Variants in PIWIL3 observed in about 807,000 individuals in gnomAD.
PIWIL3 encodes piwi like RNA-mediated gene silencing 3.
PIWIL3 carries 101 observed loss-of-function variants against 109.7 expected under a neutral mutation model. That is an observed-to-expected ratio of 0.92 (90% CI 0.78 to 1.09). The LOEUF is 1.09. Ranked by LOEUF, PIWIL3 falls within the 50% of genes least tolerant of loss-of-function variation. PIWIL3 has a pLI of 0.00. For synonymous variants in PIWIL3, 373 were observed against 376.4 expected (o/e 0.99, Z 0.10); for missense variants, 1,031 against 1,072.6 (o/e 0.96, Z 0.54).
intron 1 of PIWIL3, among the ~76,000 whole-genome samples, chr22:24,764,072 A>G (rs945777099): frequency 6.6e-6 from 1 of 152,184 alleles, no homozygotes; most frequent in South Asian, 2.1e-4. Flanking sequence ...GGCCCGGGGA[A>G]ATACACGGAC....
rs1307013034 is a variant in PIWIL3 at position 24,744,189 on chromosome 22, A to ATT, written c.1449+4717_1449+4718insAA. ...AAGAGTGACCGAATTAAAAAAAAAA[A>ATT]AAAAAAAAAAAAAAAAAACAATGAT... On this transcript the variant is annotated intron_variant, in intron 12 of 20. Transcript: ENST00000616349. 3.8e-4 allele frequency among the ~76,000 whole-genome samples: 55 copies of ATT among 145,996 alleles called. 4 individuals are homozygous for ATT. Among genetic ancestry groups the ATT allele is most frequent in the Admixed American group, 1.7e-3 (25 of 14,440 alleles).
rs1038132518 is a variant in PIWIL3 at position 24,719,386 on chromosome 22, G to C, written c.*86C>G. 2 of 1,074,552 alleles carry C rather than the reference G, an allele frequency of 1.9e-6. No individual in the cohort carries two copies. Among genetic ancestry groups the C allele is most frequent in the African/African-American group, 1.6e-5 (1 of 62,834 alleles). The allele number at this position is 1,074,552 out of a possible 1,614,324, so 66.6% of individuals were successfully genotyped here. A position where few individuals can be genotyped will look rare whatever the true frequency, so the allele number is the denominator to read the frequency against. ...ATGAGAATTTAATGCTATGGACCTA[G>C]GAAAATATTTCAGACATCCTGCTTC... On this transcript the variant is annotated 3_prime_UTR_variant, in exon 21 of 21. Coordinates refer to ENST00000616349, the MANE Select transcript of PIWIL3 (RefSeq NM_001255975.1).
chr22:24,738,845 C>G (rs931017544), intron 12 of PIWIL3, among the ~76,000 whole-genome samples: 1 of 152,060 alleles, frequency 6.6e-6, no homozygotes, highest in Non-Finnish European at 1.5e-5. Context: ...TCAAGACCAT[C>G]CAGGAAAACA....
At chr22:24,746,056 C>A (rs1223198829) in intron 12 of PIWIL3, among the ~76,000 whole-genome samples, 1 of 152,138 alleles carries the variant, frequency 6.6e-6, no homozygotes, top group Non-Finnish European at 1.5e-5. Context: ...AATCCTACTC[C>A]TATTCCGAAA....
chr22:24,749,763 T>C lies in PIWIL3; in HGVS notation c.1146A>G (p.Arg382=), dbSNP rs571159547. 2 of 1,614,040 alleles carry C rather than the reference T, an allele frequency of 1.2e-6. No homozygotes were observed. The highest frequency in any genetic ancestry group is 1.3e-5 in the African/African-American group (1 of 74,992). ...GTGTACCCGTTAGGCCCTTTTTCCA[T>C]CTGCCCTGGCTGACCAAAAGTGGCT... ...KKQPLLVSQG[R]WKKGLTGTQR... Residue 382 remains arginine (R), a synonymous_variant, in exon 10 of 21, where the codon AGA becomes AGG. Coordinates refer to ENST00000616349, the MANE Select transcript of PIWIL3 (RefSeq NM_001255975.1).
intron 1 of PIWIL3, among the ~76,000 whole-genome samples, chr22:24,769,074 C>T (rs1481218183): frequency 6.6e-6 from 1 of 152,180 alleles, no homozygotes; most frequent in Non-Finnish European, 1.5e-5. Context: ...ATTGGTTCCA[C>T]AGTCTACCGC....
At chr22:24,725,539 T>C (rs531249699) in intron 16 of PIWIL3, 24 bp from the exon 17 acceptor site, 1 of 1,611,982 alleles carries the variant, frequency 6.2e-7, no homozygotes, top group East Asian at 2.2e-5. Context: ...AACCACCAGT[T>C]TGGAAAACAA....
chr22:24,720,372 C>T (rs1044608487), intron 19 of PIWIL3, among the ~76,000 whole-genome samples: 2 of 149,294 alleles, frequency 1.3e-5, no homozygotes, highest in Non-Finnish European at 3.0e-5. Context: ...CCTGGGTTCA[C>T]GCCGTTCTCC....
At chr22:24,733,980 G>A in intron 14 of PIWIL3, 104 bp downstream of exon 14, 1 of 1,291,310 alleles carries the variant, frequency 7.7e-7, no homozygotes, top group Non-Finnish European at 1.0e-6. Flanking sequence ...GCTTTCGTTG[G>A]CAAGTTCAGG....
chr22:24,756,971 C>G (rs1288108362), intron 4 of PIWIL3, among the ~76,000 whole-genome samples: 3 of 149,420 alleles, frequency 2.0e-5, no homozygotes, highest in Middle Eastern at 3.6e-3. Flanking sequence ...CCCAGCTACT[C>G]GGAAGGCTGA....
At chr22:24,771,739 T>A (rs1350869789) in intron 1 of PIWIL3, among the ~76,000 whole-genome samples, 2 of 119,998 alleles carry the variant, frequency 1.7e-5, no homozygotes, top group Admixed American at 7.8e-5. Flanking sequence ...TCTCTTGCCC[T>A]CTTTTTTTTT....
chr22:24,734,726 G>A (rs1327499498), intron 13 of PIWIL3, among the ~76,000 whole-genome samples: 1 of 152,072 alleles, frequency 6.6e-6, no homozygotes, highest in African/African-American at 2.4e-5. Flanking sequence ...GCTTCCAGCA[G>A]GGGGAGGGGA....
chr22:24,740,970 A>T (rs1923971255), intron 12 of PIWIL3, among the ~76,000 whole-genome samples: 1 of 152,210 alleles, frequency 6.6e-6, no homozygotes, highest in Non-Finnish European at 1.5e-5. Flanking sequence ...AAAACTATAT[A>T]GATCAATCTT....
intron 1 of PIWIL3, among the ~76,000 whole-genome samples, chr22:24,773,854 A>G (rs1381807776): frequency 5.3e-5 from 8 of 151,820 alleles, no homozygotes; most frequent in South Asian, 2.1e-4. Flanking sequence ...AGCTGGGACT[A>G]CAGGCACCCG....
rs941521073 is a variant in PIWIL3 at position 24,755,675 on chromosome 22, T to C, written c.692+109A>G. On this transcript the variant is annotated intron_variant, in intron 6 of 20. Transcript: ENST00000616349. ...CAAGACCCTTCACTCTCTTAATACA[T>C]GAGGACTAGGAAGAACACTAAGTGC... The C allele has an allele frequency of 1.9e-5, 26 of 1,391,620 alleles. No individual in the cohort carries two copies. The Admixed American group carries it at 4.0e-4, about 21-fold the overall frequency. 86.2% of individuals were successfully genotyped at this position (1,391,620 alleles called of 1,614,324 possible).
At chr22:24,755,697 G>C in intron 6 of PIWIL3, 87 bp downstream of exon 6, 1 of 1,524,538 alleles carries the variant, frequency 6.6e-7, no homozygotes. Flanking sequence ...AGAACACTAA[G>C]TGCTAGAAGC....
chr22:24,757,428 T>C (rs1265091682), intron 4 of PIWIL3, among the ~76,000 whole-genome samples: 1 of 152,024 alleles, frequency 6.6e-6, no homozygotes, highest in Non-Finnish European at 1.5e-5. Context: ...TTGGGCAAGG[T>C]GGGAGGCACC....
At chr22:24,727,269 A>G (rs1923052971) in intron 16 of PIWIL3, among the ~76,000 whole-genome samples, 2 of 152,368 alleles carry the variant, frequency 1.3e-5, no homozygotes, top group Admixed American at 6.5e-5. Flanking sequence ...TTGTTATGCT[A>G]TATGGCTCTG....
chr22:24,730,313 G>A lies in PIWIL3; in HGVS notation c.1708-1939C>T, dbSNP rs181123466. Among the ~76,000 whole-genome samples, 95 of 137,516 alleles carry A rather than the reference G, an allele frequency of 6.9e-4. 1 individual carries two copies. Among genetic ancestry groups the A allele is most frequent in the African/African-American group, 2.4e-3 (87 of 36,532 alleles). 90.2% of individuals were successfully genotyped at this position (137,516 alleles called of 152,430 possible). On this transcript the variant is annotated intron_variant, in intron 14 of 20. Coordinates refer to ENST00000616349, the MANE Select transcript of PIWIL3 (RefSeq NM_001255975.1). The stretch of plus-strand genomic sequence containing the variant: ...TGGGAGGCGGAGGTTGCAGTGAGCC[G>A]AGATTGCATCACTACACTCCAGCCT...
Sources: allele counts gnomAD v4.1 joint callset (sites outside exome capture counted in the v4.1 genomes callset), GRCh38; gene constraint gnomAD v4.1.1; transcripts MANE v1.5; gene names NCBI Gene and HGNC (gene_info 2026-07-23, HGNC 2026-07-21).